PROSER2: variants seen among roughly 807,000 people sequenced by gnomAD.
The protein encoded by PROSER2 is proline and serine rich 2.
PROSER2 carries 18 observed loss-of-function variants against 14.6 expected under a neutral mutation model. The ratio of observed to expected loss-of-function variants is 1.23; its 90% CI spans 0.85 to 1.83. The LOEUF (loss-of-function observed/expected upper bound fraction) is 1.83. Ranked by LOEUF, PROSER2 falls within the 40% of genes most tolerant of loss-of-function variation. PROSER2 has a pLI of 0.00. For synonymous variants in PROSER2, 367 were observed against 286.4 expected, an observed-to-expected ratio of 1.28 and a Z score of -2.84; for missense variants, 823 against 629.8, an observed-to-expected ratio of 1.31 and a Z score of -3.28.
At chr10:11,826,610 C>A (rs999559275) in intron 1 of PROSER2, among the ~76,000 whole-genome samples, 1 of 152,196 alleles carries the variant, frequency 6.6e-6, no homozygotes, top group East Asian at 1.9e-4. Context: ...CGGAGTCTCT[C>A]TCTGTCAGCC....
intron 2 of PROSER2, among the ~76,000 whole-genome samples, chr10:11,859,033 G>A (rs67211213): frequency 0.064 from 898 of 14,012 alleles, 2 homozygotes; most frequent in South Asian, 0.15. Flanking sequence ...AAAAAAAAAA[G>A]GAGAGATGGT....
rs112142562 is a variant in PROSER2, at chr10:11,852,990, C to T, written c.138+775C>T. ...TGGTGAAGTTAAGAGGATCTCGTGC[C>T]TTCCCCGGTGAGGACATTCATCTTT... On this transcript the variant is annotated intron_variant, in intron 2 of 3. Transcript: ENST00000277570. Among the ~76,000 whole-genome samples the T allele has an allele frequency of 7.2e-5, 11 of 152,272 alleles. 3 individuals are homozygous for T. Among genetic ancestry groups the T allele is most frequent in the African/African-American group, 2.4e-4 (10 of 41,552 alleles).
rs1253328791 is a variant in PROSER2 at position 11,869,421 on chromosome 10, C to T, written c.392-69C>T. The T allele has an allele frequency of 5.8e-6, 7 of 1,212,092 alleles. No homozygotes were observed. Among genetic ancestry groups the T allele is most frequent in the Admixed American group, 3.5e-5 (2 of 56,964 alleles). 75.1% of individuals were successfully genotyped at this position (1,212,092 alleles called of 1,614,324 possible). On this transcript the variant is annotated intron_variant, in intron 3 of 3. Transcript: ENST00000277570. This position sits in a 1 kb window ranked among gnomAD's most constrained non-coding sequence, Gnocchi z 4.4. ...CAGGTTGAGGCTCTTTTCAGTTCAG[C>T]GAGAGGGAACTTCATGCATTTACTT...
chr10:11,869,220 C>T lies in PROSER2; in HGVS notation c.392-270C>T, dbSNP rs1834413072. Reference sequence around the variant, plus strand: ...GCCTCAGGGGCTGGAGCCTCAGCAGCCCACATGGACGGAATGTCTCCTAGG... The same window carrying T: ...GCCTCAGGGGCTGGAGCCTCAGCAGTCCACATGGACGGAATGTCTCCTAGG... On this transcript the variant is annotated intron_variant, in intron 3 of 3. Transcript: ENST00000277570. This position sits in a 1 kb window ranked among gnomAD's most constrained non-coding sequence, Gnocchi z 4.4. 2 of 538,142 alleles carry T rather than the reference C, an allele frequency of 3.7e-6. No homozygotes were observed. Among genetic ancestry groups the T allele is most frequent in the East Asian group, 3.3e-5 (1 of 30,060 alleles). The allele number at this position is 538,142 out of a possible 1,614,324, so 33.3% of individuals were successfully genotyped here.
At chr10:11,829,055 C>T (rs1189885735) in intron 1 of PROSER2, among the ~76,000 whole-genome samples, 1 of 152,108 alleles carries the variant, frequency 6.6e-6, no homozygotes. Context: ...GCCTTCCAGT[C>T]GGGGGCATGG....
intron 2 of PROSER2, among the ~76,000 whole-genome samples, chr10:11,853,566 G>A (rs563372342): frequency 2.0e-5 from 3 of 152,234 alleles, no homozygotes; most frequent in Non-Finnish European, 4.4e-5. Context: ...CAGGCTGGGC[G>A]ACAGAACGAG....
At chr10:11,840,452 T>A (rs1032312254) in intron 1 of PROSER2, among the ~76,000 whole-genome samples, 5 of 152,234 alleles carry the variant, frequency 3.3e-5, no homozygotes, top group Non-Finnish European at 7.3e-5. Context: ...AAAATTAATG[T>A]TAGGCCAACC....
rs1364118245 is a variant in PROSER2 at position 11,823,577 on chromosome 10, AGG to A, written c.-82+111_-82+112del. ...TGGGACGCCGGCGGGTCGGGCAGAG[AGG>A]GGGCGCCGGACCCTGCCTTGGCGCG... On this transcript the variant is annotated intron_variant, in intron 1 of 3. Transcript: ENST00000277570. The surrounding 1 kb of genome is among the most constrained non-coding windows in gnomAD (Gnocchi z 6.2). 6.6e-6 allele frequency: 1 copy of A among 152,022 alleles called. No individual in the cohort carries two copies. Among genetic ancestry groups the A allele is most frequent in the Non-Finnish European group, 1.5e-5 (1 of 68,300 alleles). The allele number at this position is 152,022 out of a possible 1,614,324, so 9.4% of individuals were successfully genotyped here.
At chr10:11,854,267 A>C (rs1392814875) in intron 2 of PROSER2, among the ~76,000 whole-genome samples, 1 of 152,222 alleles carries the variant, frequency 6.6e-6, no homozygotes, top group African/African-American at 2.4e-5. Flanking sequence ...TAGCAAAATG[A>C]GAAAATATGG....
chr10:11,841,229 C>T (rs1344778071), intron 1 of PROSER2, among the ~76,000 whole-genome samples: 2 of 151,784 alleles, frequency 1.3e-5, no homozygotes, highest in Non-Finnish European at 2.9e-5. Flanking sequence ...TTCATCCATG[C>T]TTTCAAATTT....
rs1168641021 is a variant in PROSER2, at chr10:11,870,170, T to G, written c.1072T>G (p.Ser358Ala). 2.0e-6 allele frequency: 3 copies of G among 1,477,134 alleles called. No individual in the cohort carries two copies. The highest frequency in any genetic ancestry group is 1.3e-5 in the South Asian group (1 of 78,478). 91.5% of individuals were successfully genotyped at this position (1,477,134 alleles called of 1,614,324 possible). The change falls in exon 4 of 4, where the codon TCC becomes GCC. Residue 358 changes from serine to alanine, a missense_variant. By Grantham distance (99) the Ser-to-Ala change is moderately conservative. Transcript: ENST00000277570. ...AHEALKSAPS[S>A]FAPAGKSLCF... ...CGAGGCCCTGAAGAGCGCACCCAGC[T>G]CCTTCGCGCCCGCTGGGAAGTCCCT...
In PROSER2 at chr10:11,837,616, A is replaced by G. The variant is rs10795898; in HGVS notation, c.-82+14146A>G. Among the ~76,000 whole-genome samples the G allele has an allele frequency of 0.51, 77,246 of 152,032 alleles. 19,598 individuals are homozygous for G. The highest frequency in any genetic ancestry group is 0.59 in the East Asian group (3,071 of 5,172). Reference sequence around the variant, plus strand: ...TACTAAGCAAGATTGGTTCTACATCACTTGGTTAAGGGGAATAATTTTTCC... The same window carrying G: ...TACTAAGCAAGATTGGTTCTACATCGCTTGGTTAAGGGGAATAATTTTTCC... On this transcript the variant is annotated intron_variant, in intron 1 of 3. Coordinates refer to ENST00000277570, the MANE Select transcript of PROSER2 (RefSeq NM_153256.4). The surrounding 1 kb of genome is among the most constrained non-coding windows in gnomAD (Gnocchi z 4.6).
chr10:11,848,707 C>T (rs1246566982), intron 1 of PROSER2, among the ~76,000 whole-genome samples: 1 of 152,172 alleles, frequency 6.6e-6, no homozygotes, highest in Non-Finnish European at 1.5e-5. Flanking sequence ...TGACCTCATC[C>T]CCCCAGTTTG....
In PROSER2 at chr10:11,869,849, C is replaced by T. The variant is rs1466258400; in HGVS notation, c.751C>T (p.Pro251Ser). 16 of 1,588,436 alleles carry T rather than the reference C, an allele frequency of 1.0e-5. No individual in the cohort carries two copies. In the South Asian group the frequency reaches 1.6e-4, roughly 16 times the overall value. The change falls in exon 4 of 4, where the codon CCC becomes TCC. Residue 251 changes from proline to serine, a missense_variant. Coordinates refer to ENST00000277570, the MANE Select transcript of PROSER2 (RefSeq NM_153256.4). The surrounding 1 kb of genome is among the most constrained non-coding windows in gnomAD (Gnocchi z 4.4). ...CAGCCACCCGGCGCAGCCCAAGGCA[C>T]CCCGCTTCCCCAGCAACATCATCGT... ...GPSHPAQPKA[P>S]RFPSNIIVTN...
chr10:11,829,496 T>C (rs1470619669), intron 1 of PROSER2, among the ~76,000 whole-genome samples: 2 of 151,718 alleles, frequency 1.3e-5, no homozygotes, highest in African/African-American at 4.8e-5. Flanking sequence ...AGGCAGGAGA[T>C]GCTTGAGCCC....
In PROSER2 at chr10:11,869,829, A is replaced by C. The variant is rs747516401; in HGVS notation, c.731A>C (p.His244Pro). The change falls in exon 4 of 4, where the codon CAC (histidine) becomes CCC (proline). Residue 244 changes from histidine to proline, a missense_variant. Physicochemically the swap from His to Pro is moderately conservative, Grantham distance 77. Transcript: ENST00000277570. This position sits in a 1 kb window ranked among gnomAD's most constrained non-coding sequence, Gnocchi z 4.4. ...RSGDPGPGPS[H>P]PAQPKAPRFP... ...GGAGACCCTGGCCCGGGGCCCAGCC[A>C]CCCGGCGCAGCCCAAGGCACCCCGC... 6.4e-7 allele frequency: 1 copy of C among 1,573,028 alleles called. No homozygotes were observed. Among genetic ancestry groups the C allele is most frequent in the South Asian group, 1.2e-5 (1 of 85,060 alleles).
chr10:11,864,642 G>GC (rs1834309546), intron 2 of PROSER2, among the ~76,000 whole-genome samples: 1 of 147,042 alleles, frequency 6.8e-6, no homozygotes, highest in Admixed American at 6.9e-5. Context: ...AGGCTGGAGT[G>GC]CAGTGGTGCA....
At chr10:11,824,257 C>T (rs894641255) in intron 1 of PROSER2, among the ~76,000 whole-genome samples, 1 of 152,014 alleles carries the variant, frequency 6.6e-6, no homozygotes, top group African/African-American at 2.4e-5. Flanking sequence ...TGTGTTTTTC[C>T]ACCCTAAACA....
At chr10:11,854,137 C>G (rs1834079465) in intron 2 of PROSER2, among the ~76,000 whole-genome samples, 1 of 152,198 alleles carries the variant, frequency 6.6e-6, no homozygotes, top group African/African-American at 2.4e-5. Flanking sequence ...ATGTTCTGGT[C>G]GTGTTTCCTT....
Sources: gnomAD v4.1 joint callset for allele counts (sites outside exome capture counted in the v4.1 genomes callset) on GRCh38, gnomAD v4.1.1 for gene constraint, Gnocchi (gnomAD v3.1) non-coding constraint, MANE v1.5 for transcripts, NCBI Gene and HGNC (gene_info 2026-07-23, HGNC 2026-07-21) for gene names.